The following FGD2 variants were observed in gnomAD, a reference collection of about 807,000 sequenced individuals.
FGD2 encodes FYVE, RhoGEF and PH domain-containing protein 2.
FGD2 carries 52 observed loss-of-function variants against 75.9 expected under a neutral mutation model. That is an observed-to-expected ratio of 0.69 (90% CI 0.55 to 0.86). FGD2 has a LOEUF of 0.86. Ranked by LOEUF, FGD2 falls within the 40% of genes least tolerant of loss-of-function variation. The pLI is 0.00. For synonymous variants in FGD2, 347 were observed against 348.6 expected, an observed-to-expected ratio of 1.00 and a Z score of 0.05; for missense variants, 790 against 872.0, an observed-to-expected ratio of 0.91 and a Z score of 1.18.
chr6:37,026,208 A>T, intron 14 of FGD2: 1 of 985,390 alleles, frequency 1.0e-6, no homozygotes, highest in Non-Finnish European at 1.2e-6. Flanking sequence ...CCCATCCGAT[A>T]GTACGGCCCC....
intron 5 of FGD2, 32 bp downstream of exon 5, chr6:37,013,797 G>T (rs767942414): frequency 1.1e-5 from 18 of 1,610,998 alleles, no homozygotes; most frequent in Non-Finnish European, 1.5e-5. Flanking sequence ...AGTCAGCATT[G>T]CCACTCCCAG....
intron 4 of FGD2, among the ~76,000 whole-genome samples, chr6:37,012,803 CAG>C (rs1765076120): frequency 6.6e-6 from 1 of 150,556 alleles, no homozygotes; most frequent in Non-Finnish European, 1.5e-5. Flanking sequence ...ATGAGAAAAT[CAG>C]GGTACAAAGA....
Position 37,011,069 on chromosome 6 carries a change from C to G in FGD2, c.378+19C>G. On this transcript the variant is annotated intron_variant, in intron 3 of 15. Transcript: ENST00000274963. ...AGACCAGGCCAGTGACCAGGACACCCCCCTCTAGAGCCCCAGCCCTGGGTC... is the reference window on the plus strand; with the variant it reads ...AGACCAGGCCAGTGACCAGGACACCGCCCTCTAGAGCCCCAGCCCTGGGTC... The G allele has an allele frequency of 6.2e-7, 1 of 1,612,964 alleles. No individual in the cohort carries two copies. Among genetic ancestry groups the G allele is most frequent in the Non-Finnish European group, 8.5e-7 (1 of 1,179,024 alleles).
Position 37,028,398 on chromosome 6 carries a change from G to A in FGD2, c.*235G>A. 2 of 493,440 alleles carry A rather than the reference G, an allele frequency of 4.1e-6. No individual in the cohort carries two copies. Among genetic ancestry groups the A allele is most frequent in the Non-Finnish European group, 7.2e-6 (2 of 278,088 alleles). 30.6% of individuals were successfully genotyped at this position (493,440 alleles called of 1,614,324 possible). On this transcript the variant is annotated 3_prime_UTR_variant, in exon 16 of 16. Coordinates refer to ENST00000274963, the MANE Select transcript of FGD2 (RefSeq NM_173558.4). ...TTTGCCTTGCGGGGAGGGGGCTCCT[G>A]GGCCATGGGACTTCCAGTGCTAAAA...
chr6:37,025,473 G>A, intron 13 of FGD2: 2 of 362,496 alleles, frequency 5.5e-6, no homozygotes, highest in Non-Finnish European at 1.0e-5. Flanking sequence ...TCTGGGGCAA[G>A]CCCCTTGGGT....
At chr6:37,027,808 G>C in intron 15 of FGD2, 140 bp from the exon 16 acceptor site, 1 of 1,074,232 alleles carries the variant, frequency 9.3e-7, no homozygotes, top group South Asian at 1.6e-5. Context: ...CCTCTTCCTC[G>C]ATGGCCTTCA....
chr6:37,015,938 C>A, intron 9 of FGD2, 78 bp downstream of exon 9: 1 of 1,330,156 alleles, frequency 7.5e-7, no homozygotes, highest in Non-Finnish European at 1.0e-6. Flanking sequence ...AGGGGCCAAC[C>A]AGGTTCTCAA....
intron 4 of FGD2, 79 bp downstream of exon 4, chr6:37,011,933 G>A (rs996907775): frequency 2.1e-5 from 31 of 1,509,938 alleles, no homozygotes; most frequent in Non-Finnish European, 2.8e-5. Context: ...AGGGCGCTAG[G>A]TTCAGCCTCC....
chr6:37,013,326 T>C (rs960401855), intron 4 of FGD2: 1 of 540,156 alleles, frequency 1.9e-6, no homozygotes, highest in African/African-American at 1.9e-5. Flanking sequence ...TGTTACATAA[T>C]GAAGCACTGA....
rs772967215 is a variant in FGD2 at position 37,011,804 on chromosome 6, G to A, written c.477G>A (p.Gln159=). The change falls in exon 4 of 16, where the codon CAG becomes CAA. Residue 159 remains glutamine, a synonymous_variant. Transcript: ENST00000274963. ...VIFSNISSIY[Q]FHSQFFLPEL... ...TCTCCAACATCTCCTCCATCTATCA[G>A]TTCCATTCTCAGTTCTTCCTCCCAG... The A allele has an allele frequency of 1.9e-6, 3 of 1,614,138 alleles. No individual in the cohort carries two copies. The Admixed American group carries it at 5.0e-5, about 27-fold the overall frequency.
Position 37,005,823 on chromosome 6 carries a change from G to A in FGD2, c.6G>A (p.Lys2=), listed in dbSNP as rs1764722321. 8 of 1,613,818 alleles carry A rather than the reference G, an allele frequency of 5.0e-6. No homozygotes were observed. In the East Asian group the frequency reaches 1.6e-4, roughly 31 times the overall value. M[K]GASEEKLASV... ...CCACCCCGGAAACCGGCAGGATGAA[G>A]GGGGCAAGTGAGGAGAAGCTGGCAT... Residue 2 remains lysine (K), a synonymous_variant, in exon 1 of 16, where the codon AAG becomes AAA. Transcript: ENST00000274963.
chr6:37,015,054 G>A lies in FGD2; in HGVS notation c.1029+16G>A, dbSNP rs369133050. 97 of 1,608,824 alleles carry A rather than the reference G, an allele frequency of 6.0e-5. 1 individual carries two copies. The African/African-American group carries it at 1.2e-3, about 19-fold the overall frequency. On this transcript the variant is annotated intron_variant, in intron 8 of 15. Coordinates refer to ENST00000274963, the MANE Select transcript of FGD2 (RefSeq NM_173558.4). ...CCTTTTCTTGGTAAGAGGGTGCTGG[G>A]AGCTCCTCTCCACACTGGGGAGGGA...
intron 11 of FGD2, among the ~76,000 whole-genome samples, chr6:37,021,142 TTGTGTGTGCGTGCG>T (rs1190743807): frequency 6.7e-6 from 1 of 148,930 alleles, no homozygotes; most frequent in African/African-American, 2.5e-5. Context: ...GTGTCTGTGT[TTGTGTGTGCGTGCG>T]TGTGTGTGTG....
rs1022738657 is a variant in FGD2, at chr6:37,028,424, C to T, written c.*261C>T. The T allele has an allele frequency of 8.7e-6, 4 of 459,570 alleles. No individual in the cohort carries two copies. The highest frequency in any genetic ancestry group is 5.8e-5 in the African/African-American group (3 of 51,672). 28.5% of individuals were successfully genotyped at this position (459,570 alleles called of 1,614,324 possible). A position where few individuals can be genotyped will look rare whatever the true frequency, so the allele number is the denominator to read the frequency against. On this transcript the variant is annotated 3_prime_UTR_variant, in exon 16 of 16. Transcript: ENST00000274963. ...GGCCATGGGACTTCCAGTGCTAAAA[C>T]TGGGAAAGCCCCAGGTAACCCCGGA...
intron 11 of FGD2, 53 bp downstream of exon 11, chr6:37,020,792 CTTTTTTT>C (rs1765542249): frequency 6.5e-7 from 1 of 1,548,320 alleles, no homozygotes; most frequent in East Asian, 2.4e-5. Context: ...TTTCTTTTTT[CTTTTTTT>C]CTTTCTTGGT....
intron 6 of FGD2, chr6:37,014,429 C>A: frequency 1.6e-6 from 1 of 635,054 alleles, no homozygotes; most frequent in Non-Finnish European, 2.7e-6. Context: ...GTCACCAAAG[C>A]CAAACACCTA....
chr6:37,006,552 G>A (rs932484596), intron 1 of FGD2, among the ~76,000 whole-genome samples: 1 of 152,150 alleles, frequency 6.6e-6, no homozygotes, highest in Non-Finnish European at 1.5e-5. Context: ...TGTCTGGAGG[G>A]AAAAGGCTGG....
chr6:37,020,509 G>A (rs764611598), intron 9 of FGD2, 32 bp from the exon 10 acceptor site: 2 of 1,582,128 alleles, frequency 1.3e-6, no homozygotes, highest in Non-Finnish European at 1.7e-6. Flanking sequence ...GCTATGATGA[G>A]TCTGAACTGG....
Position 37,027,487 on chromosome 6 carries a change from G to A in FGD2, c.1664G>A (p.Gly555Glu). The A allele has an allele frequency of 6.2e-7, 1 of 1,614,028 alleles. No individual in the cohort carries two copies. Among genetic ancestry groups the A allele is most frequent in the Non-Finnish European group, 8.5e-7 (1 of 1,179,920 alleles). The change falls in exon 15 of 16, where the codon GGG (glycine) becomes GAG (glutamate). Residue 555 changes from glycine (G) to glutamate (E), a missense_variant. By Grantham distance (98) the Gly-to-Glu change is moderately conservative (BLOSUM62 -2). Transcript: ENST00000274963. ...ATGTGCAGCTTCCTGCAGCTCATCG[G>A]GGACAAGTGGGGCAAGAGCGGCCCC... ...SLMCSFLQLI[G>E]DKWGKSGPRG...
Sources: gnomAD v4.1 joint callset for allele counts (sites outside exome capture counted in the v4.1 genomes callset) on GRCh38, gnomAD v4.1.1 for gene constraint, MANE v1.5 for transcripts, NCBI Gene and HGNC (gene_info 2026-07-23, HGNC 2026-07-21) for gene names.